Variants in NLGN4X observed in about 807,000 individuals in gnomAD.
The protein encoded by NLGN4X is neuroligin-4, X-linked.
NLGN4X carries 3 observed loss-of-function variants against 40.3 expected under a neutral mutation model. The observed-to-expected ratio is 0.07, with a 90% confidence interval of 0.03 to 0.19. The LOEUF (loss-of-function observed/expected upper bound fraction) is 0.19, where lower values mean the gene tolerates loss of function less well. NLGN4X is among the 10% of genes least tolerant of loss of function. The pLI, the probability that NLGN4X is intolerant of heterozygous loss-of-function variation, is 1.00. For missense variants in NLGN4X, 382 were observed against 708.3 expected (o/e 0.54, Z 5.23); for synonymous variants, 270 against 306.8 (o/e 0.88, Z 1.25).
At chrX:6,125,768 T>C (rs1214313081) in intron 2 of NLGN4X, among the ~76,000 whole-genome samples, 1 of 111,561 alleles carries the variant, frequency 9.0e-6, no homozygotes, top group East Asian at 2.8e-4. Flanking sequence ...CTTCAGAAAA[T>C]ATACAATTAA....
chrX:5,896,527 C>A (rs975929740), intron 5 of NLGN4X, among the ~76,000 whole-genome samples: 1 of 111,900 alleles, frequency 8.9e-6, no homozygotes, highest in African/African-American at 3.2e-5. Flanking sequence ...ACAAGTTGGT[C>A]TCTCTAGTAA....
At chrX:6,222,275 T>G (rs1294973378) in intron 1 of NLGN4X, among the ~76,000 whole-genome samples, 1 of 111,176 alleles carries the variant, frequency 9.0e-6, no homozygotes, top group Non-Finnish European at 1.9e-5. Context: ...TAAAATCACA[T>G]GTCTGGGGTG....
intron 1 of NLGN4X, among the ~76,000 whole-genome samples, chrX:6,173,890 C>G (rs1420367758): frequency 9.0e-6 from 1 of 110,958 alleles, no homozygotes; most frequent in Non-Finnish European, 1.9e-5. Flanking sequence ...AACCCTGTCT[C>G]TACTAAAAAA....
chrX:6,136,263 G>A (rs1361162484), intron 2 of NLGN4X, among the ~76,000 whole-genome samples: 2 of 112,399 alleles, frequency 1.8e-5, no homozygotes, highest in Non-Finnish European at 3.8e-5. Flanking sequence ...TGCCACATTA[G>A]TTATTGACTG....
At chrX:6,028,891 T>A (rs1237088043) in intron 3 of NLGN4X, among the ~76,000 whole-genome samples, 1 of 111,760 alleles carries the variant, frequency 8.9e-6, no homozygotes, top group Non-Finnish European at 1.9e-5. Flanking sequence ...CCACACAATA[T>A]ACTGATTCAT....
chrX:5,891,205 T>C lies in NLGN4X; in HGVS notation c.*1612A>G, dbSNP rs2031150395. ...AAATCTCTGATCCCTAGGTCACCAA[T>C]TTAAAATGGGTGAATAATTTCCATT... On this transcript the variant is annotated 3_prime_UTR_variant, in exon 6 of 6. Transcript: ENST00000381095. 8.6e-6 allele frequency: 2 copies of C among 233,588 alleles called. No individual in the cohort carries two copies. The highest frequency in any genetic ancestry group is 5.9e-5 in the African/African-American group (2 of 33,681). The allele number at this position is 233,588 out of a possible 1,213,427, so 19.3% of individuals were successfully genotyped here.
intron 2 of NLGN4X, among the ~76,000 whole-genome samples, chrX:6,036,335 C>A (rs1377048839): frequency 9.0e-6 from 1 of 111,547 alleles, no homozygotes; most frequent in Non-Finnish European, 1.9e-5. Flanking sequence ...TTAAATTAAT[C>A]TTGTATATCA....
chrX:6,137,981 G>A (rs2039857344), intron 2 of NLGN4X, among the ~76,000 whole-genome samples: 1 of 111,397 alleles, frequency 9.0e-6, no homozygotes, highest in South Asian at 3.8e-4. Context: ...GCATTTCAGG[G>A]AAACGTGCAG....
At chrX:6,080,479 T>C (rs764576500) in intron 2 of NLGN4X, among the ~76,000 whole-genome samples, 24 of 112,044 alleles carry the variant, frequency 2.1e-4, no homozygotes, top group Non-Finnish European at 2.1e-4. Flanking sequence ...TCCATGACTG[T>C]CAGTTGAATG....
intron 2 of NLGN4X, among the ~76,000 whole-genome samples, chrX:6,133,866 G>A (rs967521695): frequency 1.8e-5 from 2 of 111,526 alleles, no homozygotes; most frequent in Non-Finnish European, 3.8e-5. Context: ...TAAAATAAAG[G>A]GTAAGATAGT....
At chrX:6,146,092 A>T (rs931802555) in intron 2 of NLGN4X, among the ~76,000 whole-genome samples, 12 of 107,458 alleles carry the variant, frequency 1.1e-4, no homozygotes, top group Middle Eastern at 4.8e-3. Context: ...TTCACCCTGG[A>T]TGACAGAGCA....
chrX:6,125,668 TGAAA>T (rs1298892163), intron 2 of NLGN4X, among the ~76,000 whole-genome samples: 31 of 111,377 alleles, frequency 2.8e-4, no homozygotes, highest in East Asian at 2.2e-3. Flanking sequence ...TAAGTAGTAA[TGAAA>T]GAATCACTAA....
intron 2 of NLGN4X, among the ~76,000 whole-genome samples, chrX:6,114,521 A>AACACACACAC (rs529608747): frequency 2.1e-4 from 20 of 95,674 alleles, no homozygotes; most frequent in African/African-American, 7.2e-4. Flanking sequence ...CAAAGTGGCA[A>AACACACACAC]ACACACACAC....
chrX:6,074,423 G>A (rs2038143575), intron 2 of NLGN4X, among the ~76,000 whole-genome samples: 1 of 111,492 alleles, frequency 9.0e-6, no homozygotes, highest in African/African-American at 3.3e-5. Context: ...GGTTTCTCCT[G>A]GTCATGATGC....
At chrX:6,079,369 C>T (rs2038288396) in intron 2 of NLGN4X, among the ~76,000 whole-genome samples, 1 of 112,243 alleles carries the variant, frequency 8.9e-6, no homozygotes, top group Non-Finnish European at 1.9e-5. Context: ...TCTCATGACC[C>T]TACTGTGAAA....
chrX:5,949,245 T>C, intron 3 of NLGN4X, among the ~76,000 whole-genome samples: 1 of 112,067 alleles, frequency 8.9e-6, no homozygotes, highest in Non-Finnish European at 1.9e-5. Context: ...ACACCCTTTA[T>C]CTTAAACCTG....
At chrX:6,143,467 C>A (rs923642592) in intron 2 of NLGN4X, among the ~76,000 whole-genome samples, 3 of 112,125 alleles carry the variant, frequency 2.7e-5, no homozygotes, top group African/African-American at 9.7e-5. Flanking sequence ...AAAGGTGCAG[C>A]CGCGATCTTG....
At chrX:6,062,488 C>G (rs2037794937) in intron 2 of NLGN4X, among the ~76,000 whole-genome samples, 1 of 111,471 alleles carries the variant, frequency 9.0e-6, no homozygotes, top group African/African-American at 3.3e-5. Context: ...CTCAGAATTA[C>G]AAAGTTCTCG....
intron 3 of NLGN4X, among the ~76,000 whole-genome samples, chrX:5,958,704 T>C (rs1308545735): frequency 8.9e-6 from 1 of 112,117 alleles, no homozygotes; most frequent in Admixed American, 9.5e-5. Context: ...CATCATTCTC[T>C]TCTTCTTGCT....
Sources: allele counts gnomAD v4.1 joint callset (sites outside exome capture counted in the v4.1 genomes callset), GRCh38; gene constraint gnomAD v4.1.1; transcripts MANE v1.5; gene names NCBI Gene and HGNC (gene_info 2026-07-23, HGNC 2026-07-21).